GYG2: variants seen among roughly 807,000 people sequenced by gnomAD.
GYG2 encodes glycogenin-2.
In GYG2, 29 loss-of-function variants were observed where a neutral mutation model predicts 29.4. That is an observed-to-expected ratio of 0.99 (90% CI 0.74 to 1.35). The LOEUF (loss-of-function observed/expected upper bound fraction) is 1.35. Among genes scored for constraint, GYG2 ranks in the 40% most tolerant of loss-of-function variants. The probability of loss-of-function intolerance (pLI) is 0.00; values close to 1 mark genes in which losing one functional copy is unlikely to be tolerated. For missense variants in GYG2, 370 were observed against 385.7 expected, an observed-to-expected ratio of 0.96 and a Z score of 0.34; for synonymous variants, 167 against 172.3, an observed-to-expected ratio of 0.97 and a Z score of 0.24.
chrX:2,862,244 CT>C (rs1269024295), intron 8 of GYG2, among the ~76,000 whole-genome samples: 1 of 111,129 alleles, frequency 9.0e-6, no homozygotes, highest in African/African-American at 3.3e-5. Flanking sequence ...GGATTCTCCC[CT>C]AGGTCCCCAA....
rs755646840 is a variant in GYG2 at position 2,881,144 on chromosome X, C to T, written c.1344C>T (p.Gly448=). ...AAGAGAGGAGGAAGTGGGAGGAAGGCCGTATCGACTACATGGGGAAGGACG... is the reference window on the plus strand; with the variant it reads ...AAGAGAGGAGGAAGTGGGAGGAAGGTCGTATCGACTACATGGGGAAGGACG... The part of the protein sequence containing the change: ...PEEERRKWEE[G]RIDYMGKDAF... The change falls in exon 11 of 11, where the codon GGC becomes GGT. Residue 448 remains glycine, a synonymous_variant. Coordinates refer to ENST00000398806, the MANE Select transcript of GYG2 (RefSeq NM_001079855.2). The T allele has an allele frequency of 3.3e-6, 4 of 1,204,945 alleles. No individual in the cohort carries two copies. In the African/African-American group the frequency reaches 7.0e-5, roughly 21 times the overall value.
At chrX:2,871,689 CAAAT>C (rs200105400) in intron 8 of GYG2, among the ~76,000 whole-genome samples, 154 of 99,998 alleles carry the variant, frequency 1.5e-3, no homozygotes, top group African/African-American at 4.3e-3. Flanking sequence ...GACTCCGTCT[CAAAT>C]AAATAAATAA....
chrX:2,878,790 T>A (rs1400228678), intron 10 of GYG2, among the ~76,000 whole-genome samples: 1 of 112,458 alleles, frequency 8.9e-6, no homozygotes, highest in Non-Finnish European at 1.9e-5. Context: ...TTATTTAGTA[T>A]CTTGTATAAT....
intron 2 of GYG2, chrX:2,842,944 A>C: frequency 2.8e-6 from 1 of 362,028 alleles, no homozygotes; most frequent in Non-Finnish European, 5.0e-6. Context: ...CTCTCCGAGT[A>C]GCTGTAACTG....
intron 7 of GYG2, among the ~76,000 whole-genome samples, chrX:2,861,277 A>G (rs951289781): frequency 7.3e-5 from 8 of 109,519 alleles, no homozygotes; most frequent in African/African-American, 2.7e-4. Flanking sequence ...CGTTTTGCTA[A>G]GTACTGGATT....
intron 3 of GYG2, among the ~76,000 whole-genome samples, chrX:2,850,208 G>A (rs961527761): frequency 3.6e-5 from 4 of 111,609 alleles, no homozygotes; most frequent in African/African-American, 1.3e-4. Context: ...GTATAAAACA[G>A]AGTTAAGTCT....
intron 3 of GYG2, among the ~76,000 whole-genome samples, chrX:2,847,533 C>CAAAA (rs34368863): frequency 1.8e-5 from 1 of 56,255 alleles, no homozygotes; most frequent in Non-Finnish European, 3.2e-5. Flanking sequence ...ACTAAAAGTA[C>CAAAA]AAAAAAAAAA....
At chrX:2,842,297 C>T (rs185425159) in intron 2 of GYG2, among the ~76,000 whole-genome samples, 120 of 109,446 alleles carry the variant, frequency 1.1e-3, no homozygotes, top group Non-Finnish European at 1.9e-3. Context: ...TGTGCTCAAG[C>T]GATCCGCCTG....
rs1362358223 is a variant in GYG2 at position 2,845,152 on chromosome X, C to T, written c.149+1798C>T. 7.0e-3 allele frequency among the ~76,000 whole-genome samples: 11 copies of T among 1,567 alleles called. 4 individuals are homozygous for T. Among genetic ancestry groups the T allele is most frequent in the Non-Finnish European group, 0.026 (8 of 306 alleles). The allele number at this position is 1,567 out of a possible 115,157, so 1.4% of individuals were successfully genotyped here. Reference sequence around the variant, plus strand: ...ACACGTGTGTATGTATATTTATATACACGTGTGTATGTATATTTATATACA... The same window carrying T: ...ACACGTGTGTATGTATATTTATATATACGTGTGTATGTATATTTATATACA... On this transcript the variant is annotated intron_variant, in intron 3 of 10. Transcript: ENST00000398806.
At chrX:2,845,643 A>ATGTGTATTTACATACATTTATATG (rs2087693437) in intron 3 of GYG2, among the ~76,000 whole-genome samples, 3 of 42,780 alleles carry the variant, frequency 7.0e-5, no homozygotes, top group Non-Finnish European at 2.3e-4. Context: ...ACATTTATAT[A>ATGTGTATTTACATACATTTATATG]CGCATGTGTA....
At chrX:2,875,737 G>T in intron 8 of GYG2, 73 bp from the exon 9 acceptor site, 1 of 663,408 alleles carries the variant, frequency 1.5e-6, no homozygotes, top group Non-Finnish European at 2.4e-6. Flanking sequence ...AATGGAGTGG[G>T]TATTTTCAAT....
intron 8 of GYG2, among the ~76,000 whole-genome samples, chrX:2,872,305 GCGGACTTTGAGATTGCTGCATTCT>G (rs1193255751): frequency 8.9e-6 from 1 of 112,495 alleles, no homozygotes; most frequent in African/African-American, 3.2e-5. Flanking sequence ...GTTCTTAAGA[GCGGACTTTGAGATTGCTGCATTCT>G]CATCTTAAAA....
Position 2,856,560 on chromosome X carries a change from C to A in GYG2, c.550C>A (p.His184Asn). 8.3e-7 allele frequency: 1 copy of A among 1,201,831 alleles called. No individual in the cohort carries two copies. The highest frequency in any genetic ancestry group is 1.1e-6 in the Non-Finnish European group (1 of 886,974). Residue 184 changes from histidine (H) to asparagine (N), a missense_variant, in exon 6 of 11, where the codon CAC becomes AAC. Coordinates refer to ENST00000398806, the MANE Select transcript of GYG2 (RefSeq NM_001079855.2). ...RNWSTTDIHK[H>N]LPFIYNLSSN... Reference sequence around the variant, plus strand: ...CTGGTCGACCACAGACATCCACAAGCACCTGCCGTTCATCTATAACTTGAG... The same window carrying A: ...CTGGTCGACCACAGACATCCACAAGAACCTGCCGTTCATCTATAACTTGAG...
At chrX:2,829,847 T>G (rs1386517556) in intron 1 of GYG2, among the ~76,000 whole-genome samples, 1 of 94,384 alleles carries the variant, frequency 1.1e-5, no homozygotes, top group African/African-American at 4.0e-5. Context: ...CAGGTGACTG[T>G]GGGGAGGACA....
intron 2 of GYG2, among the ~76,000 whole-genome samples, chrX:2,837,380 T>G (rs1438187206): frequency 8.9e-6 from 1 of 111,742 alleles, no homozygotes; most frequent in Non-Finnish European, 1.9e-5. Flanking sequence ...ATCTAAATAG[T>G]AAGGTCTAAC....
At chrX:2,834,983 T>G (rs1034114526) in intron 2 of GYG2, among the ~76,000 whole-genome samples, 1 of 110,990 alleles carries the variant, frequency 9.0e-6, no homozygotes, top group Non-Finnish European at 1.9e-5. Flanking sequence ...GGGCCAAAGG[T>G]GGTCGGGGTA....
At chrX:2,859,520 T>A in intron 6 of GYG2, among the ~76,000 whole-genome samples, 1 of 110,194 alleles carries the variant, frequency 9.1e-6, no homozygotes, top group African/African-American at 3.3e-5. Flanking sequence ...TATATTGTTA[T>A]TGATCATATA....
In GYG2 at chrX:2,859,915, G is replaced by C; in HGVS notation, c.687G>C (p.Gln229His). ...MKPWNYKYNP[Q>H]SGSVLEQGSA... ...CTTGGAACTACAAGTACAATCCACA[G>C]AGTGGCTCGGTGTTGGAGCAAGGCT... Residue 229 changes from glutamine to histidine, a missense_variant, in exon 7 of 11, where the codon CAG (glutamine) becomes CAC (histidine). Coordinates refer to ENST00000398806, the MANE Select transcript of GYG2 (RefSeq NM_001079855.2). The C allele has an allele frequency of 8.3e-7, 1 of 1,204,152 alleles. No homozygotes were observed.
At chrX:2,871,034 G>A (rs1245614645) in intron 8 of GYG2, among the ~76,000 whole-genome samples, 1 of 109,303 alleles carries the variant, frequency 9.1e-6, no homozygotes, top group East Asian at 2.9e-4. Flanking sequence ...GTGATTTGAT[G>A]TGATTTGTCC....
Sources: gnomAD v4.1 joint callset for allele counts (sites outside exome capture counted in the v4.1 genomes callset) on GRCh38, gnomAD v4.1.1 for gene constraint, MANE v1.5 for transcripts, NCBI Gene and HGNC (gene_info 2026-07-23, HGNC 2026-07-21) for gene names.